MDFIC2: variants seen among roughly 807,000 people sequenced by gnomAD.
MDFIC2 encodes the protein myoD family inhibitor domain-containing protein 2.
At chr3:70,262,935 C>T (rs1701880616) in intron 2 of MDFIC2, among the ~76,000 whole-genome samples, 1 of 152,172 alleles carries the variant, frequency 6.6e-6, no homozygotes, top group Admixed American at 6.5e-5. Context: ...GCTACATTTT[C>T]ATATTCACTG....
chr3:70,214,359 T>C (rs935465006), intron 2 of MDFIC2, among the ~76,000 whole-genome samples: 5 of 152,122 alleles, frequency 3.3e-5, no homozygotes, highest in African/African-American at 1.2e-4. Flanking sequence ...AAACGTTAGA[T>C]GAAATGTTTA....
chr3:70,222,752 T>C (rs1408975428), intron 2 of MDFIC2, among the ~76,000 whole-genome samples: 2 of 152,178 alleles, frequency 1.3e-5, no homozygotes, highest in African/African-American at 4.8e-5. Flanking sequence ...CTGGTATAAA[T>C]ATACAGGTGC....
intron 2 of MDFIC2, among the ~76,000 whole-genome samples, chr3:70,287,668 G>A (rs1395747990): frequency 6.6e-6 from 1 of 151,996 alleles, no homozygotes; most frequent in Non-Finnish European, 1.5e-5. Flanking sequence ...GTAGAATTTG[G>A]CTGTGAATCC....
chr3:70,211,299 CCCTTT>C (rs1444702065), intron 2 of MDFIC2, among the ~76,000 whole-genome samples: 3 of 140,386 alleles, frequency 2.1e-5, no homozygotes, highest in African/African-American at 5.3e-5. Context: ...CCCTTCCCTT[CCCTTT>C]GCCTTTCCCT....
intron 2 of MDFIC2, among the ~76,000 whole-genome samples, chr3:70,266,855 A>G (rs1168831554): frequency 6.6e-6 from 1 of 152,224 alleles, no homozygotes; most frequent in Admixed American, 6.5e-5. Flanking sequence ...GAACACCATT[A>G]AGGGAGAAGT....
intron 2 of MDFIC2, among the ~76,000 whole-genome samples, chr3:70,300,041 A>G (rs1702332605): frequency 6.6e-6 from 1 of 152,060 alleles, no homozygotes; most frequent in Non-Finnish European, 1.5e-5. Flanking sequence ...GTTACTGCCT[A>G]TTGAAACACT....
intron 2 of MDFIC2, among the ~76,000 whole-genome samples, chr3:70,212,802 T>C (rs1216482404): frequency 2.0e-5 from 3 of 151,916 alleles, no homozygotes; most frequent in Non-Finnish European, 4.4e-5. Context: ...CTCTCTCTTT[T>C]TTTGAGACAG....
At chr3:70,291,818 C>T in intron 2 of MDFIC2, 1 of 152,162 alleles carries the variant, frequency 6.6e-6, no homozygotes, top group East Asian at 1.9e-4. Flanking sequence ...CTTTTTAATG[C>T]TCTTCTTTCA....
intron 2 of MDFIC2, among the ~76,000 whole-genome samples, chr3:70,246,026 AAT>A (rs1172642628): frequency 6.6e-6 from 1 of 151,668 alleles, no homozygotes; most frequent in Admixed American, 6.6e-5. Context: ...TGCATTGTTA[AAT>A]ATATATATGT....
intron 2 of MDFIC2, among the ~76,000 whole-genome samples, chr3:70,217,401 G>A (rs987581030): frequency 2.6e-5 from 4 of 152,238 alleles, no homozygotes; most frequent in African/African-American, 9.6e-5. Context: ...ATTAATGGTT[G>A]AATTTCTCAA....
chr3:70,298,028 A>G (rs555621914), intron 2 of MDFIC2, among the ~76,000 whole-genome samples: 1 of 152,134 alleles, frequency 6.6e-6, no homozygotes, highest in Non-Finnish European at 1.5e-5. Flanking sequence ...AATCAGGGTC[A>G]CATCTAAGAT....
At chr3:70,222,742 C>T (rs543000121) in intron 2 of MDFIC2, among the ~76,000 whole-genome samples, 10 of 152,178 alleles carry the variant, frequency 6.6e-5, no homozygotes, top group African/African-American at 2.2e-4. Context: ...GTGATAGAAA[C>T]TGGTATAAAT....
chr3:70,217,883 A>C (rs950034222), intron 2 of MDFIC2, among the ~76,000 whole-genome samples: 6 of 152,268 alleles, frequency 3.9e-5, no homozygotes, highest in African/African-American at 1.4e-4. Flanking sequence ...ATCAGCATCT[A>C]TCAGGTTAAT....
chr3:70,268,572 C>T (rs892476509), intron 2 of MDFIC2, among the ~76,000 whole-genome samples: 1 of 151,646 alleles, frequency 6.6e-6, no homozygotes, highest in South Asian at 2.1e-4. Context: ...CCATAGTTCA[C>T]ATTCGGGTTC....
chr3:70,285,096 G>A (rs1403428961), intron 2 of MDFIC2, among the ~76,000 whole-genome samples: 1 of 146,348 alleles, frequency 6.8e-6, no homozygotes, highest in Non-Finnish European at 1.5e-5. Context: ...TAGGGTACAT[G>A]TGCACATTGT....
chr3:70,206,542 A>T lies in MDFIC2; in HGVS notation c.310+27T>A, dbSNP rs377555889. On this transcript the variant is annotated intron_variant, in intron 3 of 3. Transcript: ENST00000567252. ...GATGGGGGTTGGGAGCTTTATTTAG[A>T]GATGGGTTGAATTCTGAGAAACATA... 3.4e-4 allele frequency: 137 copies of T among 397,508 alleles called. No individual in the cohort carries two copies. In the South Asian group the frequency reaches 0.017, roughly 48 times the overall value. The allele number at this position is 397,508 out of a possible 1,614,324, so 24.6% of individuals were successfully genotyped here.
chr3:70,295,804 G>A (rs1480659316), intron 2 of MDFIC2, among the ~76,000 whole-genome samples: 1 of 152,170 alleles, frequency 6.6e-6, no homozygotes, highest in African/African-American at 2.4e-5. Flanking sequence ...AGGCAAAGAT[G>A]TTGCATTTTG....
At chr3:70,283,520 C>G (rs1013204314) in intron 2 of MDFIC2, 3 of 152,090 alleles carry the variant, frequency 2.0e-5, no homozygotes, top group Admixed American at 2.0e-4. Context: ...CAGAACTAGA[C>G]AGAACTGGGT....
intron 2 of MDFIC2, among the ~76,000 whole-genome samples, chr3:70,226,977 C>T (rs891575774): frequency 1.3e-5 from 2 of 152,100 alleles, no homozygotes; most frequent in Admixed American, 1.3e-4. Flanking sequence ...GGCACTGGAG[C>T]AGTGGCTCTT....
Sources: gnomAD v4.1 joint callset for allele counts (sites outside exome capture counted in the v4.1 genomes callset) on GRCh38, gnomAD v4.1.1 for gene constraint, MANE v1.5 for transcripts, NCBI Gene and HGNC (gene_info 2026-07-23, HGNC 2026-07-21) for gene names.